Variants in RUNX1T1 observed in about 807,000 individuals in gnomAD.
RUNX1T1 encodes the protein protein CBFA2T1.
RUNX1T1 carries 4 observed loss-of-function variants against 62.8 expected under a neutral mutation model. The ratio of observed to expected loss-of-function variants is 0.06; its 90% CI spans 0.03 to 0.15. RUNX1T1 has a LOEUF of 0.15. RUNX1T1 is among the 10% of genes least tolerant of loss of function. RUNX1T1 has a pLI of 1.00. For synonymous variants in RUNX1T1, 291 were observed against 286.0 expected, an observed-to-expected ratio of 1.02 and a Z score of -0.18; for missense variants, 508 against 754.3, an observed-to-expected ratio of 0.67 and a Z score of 3.82.
chr8:91,960,606 C>T, intron 10 of RUNX1T1, 89 bp from the exon 12 acceptor site: 2 of 1,382,518 alleles, frequency 1.4e-6, no homozygotes, highest in Non-Finnish European at 2.0e-6. Flanking sequence ...TCACTGTAGC[C>T]TTATTTTCAA....
chr8:92,091,086 CACATTCCCCAAGGCACTTAGAG>C (rs1836926352), intron 1 of RUNX1T1, among the ~76,000 whole-genome samples: 1 of 152,148 alleles, frequency 6.6e-6, no homozygotes, highest in Non-Finnish European at 1.5e-5. Flanking sequence ...CCCAGTCAAT[CACATTCCCCAAGGCACTTAGAG>C]GTGCTTAGAT....
chr8:91,976,171 A>G, intron 8 of RUNX1T1, 198 bp from the exon 10 acceptor site: 1 of 534,390 alleles, frequency 1.9e-6, no homozygotes, highest in Non-Finnish European at 3.4e-6. Flanking sequence ...AGGAAAACAG[A>G]GGGTCATTGG....
rs1305765425 is a variant in RUNX1T1, at chr8:92,033,376, ATGGATG to A, written c.8-16019_8-16014del. Among the ~76,000 whole-genome samples, 5 of 152,336 alleles carry A rather than the reference ATGGATG, an allele frequency of 3.3e-5. No individual in the cohort carries two copies. The East Asian group carries it at 7.7e-4, about 23-fold the overall frequency. On this transcript the variant is annotated intron_variant, in intron 1 of 10. Coordinates refer to ENST00000396218, the Ensembl canonical transcript of RUNX1T1. ...AAGAAAACTATTTTAAGACAATTAG[ATGGATG>A]TGTATGTGTTTGTAAAAAGACTAGA...
chr8:92,045,422 C>T (rs958531384), intron 1 of RUNX1T1, among the ~76,000 whole-genome samples: 7 of 152,112 alleles, frequency 4.6e-5, no homozygotes, highest in African/African-American at 1.7e-4. Flanking sequence ...TAAGAGTCTC[C>T]AATTCAACCT....
At chr8:92,042,522 A>T (rs1828654253) in intron 1 of RUNX1T1, among the ~76,000 whole-genome samples, 1 of 151,922 alleles carries the variant, frequency 6.6e-6, no homozygotes, top group African/African-American at 2.4e-5. Context: ...GTGTCTTGTT[A>T]TGTTGGCCAG....
intron 1 of RUNX1T1, among the ~76,000 whole-genome samples, chr8:92,021,091 T>C (rs540861540): frequency 6.6e-6 from 1 of 152,278 alleles, no homozygotes; most frequent in African/African-American, 2.4e-5. Context: ...CTCAGAGATG[T>C]TATGGATTAG....
At chr8:91,990,474 T>C (rs1019561344) in intron 6 of RUNX1T1, among the ~76,000 whole-genome samples, 5 of 152,166 alleles carry the variant, frequency 3.3e-5, no homozygotes, top group African/African-American at 9.7e-5. Context: ...TAATTAGGAA[T>C]TGAAGACATC....
chr8:92,023,484 T>C (rs1391659460), intron 1 of RUNX1T1, among the ~76,000 whole-genome samples: 1 of 152,218 alleles, frequency 6.6e-6, no homozygotes, highest in African/African-American at 2.4e-5. Context: ...AATGTCTGCA[T>C]GTCCATTTTT....
At chr8:92,099,679 T>G (rs746596699) in exon 1 of RUNX1T1, 60 of 984,570 alleles carry the variant, frequency 6.1e-5, no homozygotes, top group Non-Finnish European at 6.9e-5. Flanking sequence ...AGGGCTATGT[T>G]GCCTGCATAA....
chr8:92,023,674 A>C (rs966270180), intron 1 of RUNX1T1, among the ~76,000 whole-genome samples: 3 of 152,200 alleles, frequency 2.0e-5, no homozygotes, highest in African/African-American at 4.8e-5. Flanking sequence ...ATCTATAGTC[A>C]CTTTCTCTGG....
intron 8 of RUNX1T1, among the ~76,000 whole-genome samples, chr8:91,977,989 T>C (rs904622324): frequency 6.6e-6 from 1 of 152,146 alleles, no homozygotes; most frequent in African/African-American, 2.4e-5. Context: ...GGTTTCACCA[T>C]GTTGGCCAGG....
At chr8:92,062,653 G>A in exon 1 of RUNX1T1, 1 of 1,613,818 alleles carries the variant, frequency 6.2e-7, no homozygotes, top group Non-Finnish European at 8.5e-7. Flanking sequence ...GCAGAGAGGA[G>A]GGCCATCAGA....
chr8:92,070,120 C>T (rs780536396), intron 2 of RUNX1T1, among the ~76,000 whole-genome samples: 2 of 152,210 alleles, frequency 1.3e-5, no homozygotes, highest in African/African-American at 2.4e-5. Context: ...CTGCAAACCA[C>T]AATTCTCCCC....
chr8:92,061,383 T>C (rs1394669776), intron 1 of RUNX1T1, among the ~76,000 whole-genome samples: 2 of 152,224 alleles, frequency 1.3e-5, no homozygotes, highest in African/African-American at 4.8e-5. Context: ...TTTAGTTGCA[T>C]GGTGCATATA....
Position 92,017,672 on chromosome 8 carries a change from A to C in RUNX1T1, c.8-309T>G. On this transcript the variant is annotated intron_variant, in intron 1 of 10. Coordinates refer to ENST00000396218, the Ensembl canonical transcript of RUNX1T1. ...ACAACTGCACTGGAAGCTGAAGCCA[A>C]TGTTAGCAAGAGGTAGAAAATAGAT... 2.4e-6 allele frequency: 3 copies of C among 1,249,924 alleles called. 1 individual carries two copies. The highest frequency in any genetic ancestry group is 2.0e-6 in the Non-Finnish European group (2 of 988,786). The allele number at this position is 1,249,924 out of a possible 1,614,324, so 77.4% of individuals were successfully genotyped here.
chr8:92,027,776 G>A (rs1193716998), intron 1 of RUNX1T1, among the ~76,000 whole-genome samples: 2 of 151,954 alleles, frequency 1.3e-5, no homozygotes, highest in Admixed American at 6.6e-5. Flanking sequence ...AGGGAAACCA[G>A]GTAAGAGAAT....
chr8:92,003,556 C>T (rs936539139), intron 5 of RUNX1T1, among the ~76,000 whole-genome samples: 2 of 148,140 alleles, frequency 1.4e-5, no homozygotes, highest in Non-Finnish European at 2.9e-5. Context: ...ACCCCAACAA[C>T]CCTAAATAAA....
chr8:92,003,759 C>T lies in RUNX1T1; in HGVS notation c.659+1357G>A, dbSNP rs541725166. On this transcript the variant is annotated intron_variant, in intron 5 of 10. Transcript: ENST00000396218. ...GCATCATGTGGACATGCCACTCAGGCATCAGGATTAAGCAGTTCCCTTTAA... is the reference window on the plus strand; with the variant it reads ...GCATCATGTGGACATGCCACTCAGGTATCAGGATTAAGCAGTTCCCTTTAA... Among the ~76,000 whole-genome samples, 4 of 152,338 alleles carry T rather than the reference C, an allele frequency of 2.6e-5. No homozygotes were observed. In the East Asian group the frequency reaches 7.7e-4, roughly 29 times the overall value.
At position 92,095,041 on chromosome 8, in the gene RUNX1T1, G is replaced by A. The variant is rs1305302472; in HGVS notation, c.-86+4539C>T. ...CGGTATTCTCACCTCGGTGAGTCCT[G>A]TCTGGATAGCAGAGGTGATGGGAGA... On this transcript the variant is annotated intron_variant, in intron 1 of 11. Coordinates refer to the RUNX1T1 transcript ENST00000265814. 2.6e-6 allele frequency: 4 copies of A among 1,535,452 alleles called. No homozygotes were observed. In the East Asian group the frequency reaches 9.8e-5, roughly 38 times the overall value.
Sources: gnomAD v4.1 joint callset for allele counts (sites outside exome capture counted in the v4.1 genomes callset) on GRCh38, gnomAD v4.1.1 for gene constraint, MANE v1.5 for transcripts, NCBI Gene and HGNC (gene_info 2026-07-23, HGNC 2026-07-21) for gene names.